SULF1: variants seen among roughly 807,000 people sequenced by gnomAD.
The protein encoded by SULF1 is extracellular sulfatase Sulf-1.
In SULF1, 46 loss-of-function variants were observed where a neutral mutation model predicts 110.5. That is an observed-to-expected ratio of 0.42 (90% CI 0.33 to 0.53). The LOEUF is 0.53. Among genes scored for constraint, SULF1 ranks in the 20% least tolerant of loss-of-function variants. SULF1 has a pLI of 0.12. For synonymous variants in SULF1, 371 were observed against 387.1 expected (o/e 0.96, Z 0.49); for missense variants, 941 against 1,094.2 (o/e 0.86, Z 1.98).
intron 15 of SULF1, among the ~76,000 whole-genome samples, chr8:69,625,115 G>A (rs1019019020): frequency 6.6e-6 from 1 of 152,168 alleles, no homozygotes; most frequent in African/African-American, 2.4e-5. Context: ...AAACTCAGTG[G>A]GGTACTTAAG....
intron 6 of SULF1, among the ~76,000 whole-genome samples, chr8:69,582,195 AAATTAAAACT>A (rs1214954343): frequency 6.6e-6 from 1 of 152,224 alleles, no homozygotes; most frequent in Non-Finnish European, 1.5e-5. Flanking sequence ...GCAGAAAAAA[AAATTAAAACT>A]AATTAAGCAG....
Position 69,478,397 on chromosome 8 carries a change from T to C in SULF1, c.-391+11447T>C, listed in dbSNP as rs188802121. Among the ~76,000 whole-genome samples the C allele has an allele frequency of 3.5e-4, 53 of 152,274 alleles. 1 individual carries two copies. The highest frequency in any genetic ancestry group is 6.2e-4 in the South Asian group (3 of 4,824). On this transcript the variant is annotated intron_variant, in intron 1 of 22. Transcript: ENST00000260128. ...TCCAGTCTAAATAAATGACCAGCAA[T>C]TAAGAACCTCCATGATCTTTTCCAC...
chr8:69,541,272 C>G (rs12542806), intron 3 of SULF1, among the ~76,000 whole-genome samples: 3 of 152,012 alleles, frequency 2.0e-5, no homozygotes, highest in Non-Finnish European at 4.4e-5. Flanking sequence ...CTTGTGAGAC[C>G]GGAGGACACC....
chr8:69,528,579 T>A (rs1812860721), intron 3 of SULF1, among the ~76,000 whole-genome samples: 2 of 152,358 alleles, frequency 1.3e-5, no homozygotes, highest in South Asian at 4.1e-4. Flanking sequence ...TATTTTGTTA[T>A]CTAAAATTTC....
At chr8:69,578,577 T>G (rs376306523) in intron 6 of SULF1, among the ~76,000 whole-genome samples, 33 of 140,992 alleles carry the variant, frequency 2.3e-4, no homozygotes, top group African/African-American at 8.5e-4. Context: ...CAGGGCTCTC[T>G]CCAGTGTGCT....
intron 3 of SULF1, among the ~76,000 whole-genome samples, chr8:69,530,166 C>G (rs1379691095): frequency 6.6e-6 from 1 of 152,162 alleles, no homozygotes; most frequent in African/African-American, 2.4e-5. Context: ...TTTCTGGACT[C>G]TCAACTCCGG....
chr8:69,598,167 G>A (rs2130367524), intron 8 of SULF1, among the ~76,000 whole-genome samples: 1 of 151,758 alleles, frequency 6.6e-6, no homozygotes, highest in South Asian at 2.1e-4. Context: ...TTGGTAGGCA[G>A]GAGAAAGTTT....
intron 3 of SULF1, among the ~76,000 whole-genome samples, chr8:69,511,714 C>T (rs1183258560): frequency 3.3e-5 from 5 of 152,226 alleles, no homozygotes; most frequent in African/African-American, 1.2e-4. Flanking sequence ...ACTGACACAT[C>T]ATTGTCACCC....
chr8:69,519,017 C>G (rs1019749517), intron 3 of SULF1, among the ~76,000 whole-genome samples: 2 of 152,190 alleles, frequency 1.3e-5, no homozygotes, highest in Non-Finnish European at 2.9e-5. Context: ...GAAAGTGTCT[C>G]TAGTGGAGCA....
At position 69,554,978 on chromosome 8, in the gene SULF1, C is replaced by CAAAAAAAAAAAA. The variant is rs141225696; in HGVS notation, c.-133-8552_-133-8541dup. Among the ~76,000 whole-genome samples, 40 of 63,468 alleles carry CAAAAAAAAAAAA rather than the reference C, an allele frequency of 6.3e-4. 3 individuals carry two copies. The highest frequency in any genetic ancestry group is 1.7e-3 in the African/African-American group (17 of 10,062). 41.6% of individuals were successfully genotyped at this position (63,468 alleles called of 152,430 possible). On this transcript the variant is annotated intron_variant, in intron 3 of 22. Transcript: ENST00000402687. ...TGGGCGACAGGGCGAGATTCCATCT[C>CAAAAAAAAAAAA]AAAAAAAAAAAAAAAAAAAACAAAA...
chr8:69,562,279 C>T (rs1434831869), intron 3 of SULF1, among the ~76,000 whole-genome samples: 2 of 152,142 alleles, frequency 1.3e-5, no homozygotes, highest in East Asian at 1.9e-4. Flanking sequence ...TAGGGGTAAA[C>T]AATATCCAGT....
chr8:69,551,360 A>T (rs961401636), intron 3 of SULF1, among the ~76,000 whole-genome samples: 2 of 152,054 alleles, frequency 1.3e-5, no homozygotes, highest in African/African-American at 4.8e-5. Context: ...GAGCAACCTT[A>T]CTCCTTCAGA....
Position 69,601,676 on chromosome 8 carries a change from C to A in SULF1, c.908C>A (p.Thr303Lys), listed in dbSNP as rs1428597089. 6.2e-7 allele frequency: 1 copy of A among 1,610,710 alleles called. No individual in the cohort carries two copies. The highest frequency in any genetic ancestry group is 1.1e-5 in the South Asian group (1 of 90,174). ...VERLYNMLVE[T>K]GELENTYIIY... is the part of the protein sequence containing the mutation. ...CAGCTGTATAACATGCTCGTGGAGA[C>A]GGGGGAGCTGGAGAATACTTACATC... Residue 303 changes from threonine to lysine, a missense_variant, in exon 10 of 23, where the codon ACG (threonine) becomes AAG (lysine). This residue lies in a region of SULF1 where 822 missense variants were observed against 934.3 expected (regional missense o/e 0.88). Transcript: ENST00000402687.
intron 3 of SULF1, among the ~76,000 whole-genome samples, chr8:69,520,154 C>T (rs1293194738): frequency 6.8e-6 from 1 of 147,716 alleles, no homozygotes; most frequent in Non-Finnish European, 1.5e-5. Context: ...CACACACACA[C>T]ACATCACTGT....
At chr8:69,568,194 C>T (rs1258388132) in intron 5 of SULF1, among the ~76,000 whole-genome samples, 2 of 152,052 alleles carry the variant, frequency 1.3e-5, no homozygotes, top group Admixed American at 1.3e-4. Flanking sequence ...GGCTACTGTG[C>T]CTCCAAAAAG....
At chr8:69,638,044 A>C (rs1011546981) in intron 19 of SULF1, 7 of 170,224 alleles carry the variant, frequency 4.1e-5, no homozygotes, top group African/African-American at 1.7e-4. Flanking sequence ...TTTGTTGCAA[A>C]ATCCCATCTT....
intron 1 of SULF1, among the ~76,000 whole-genome samples, chr8:69,480,917 T>TA (rs1809493518): frequency 6.7e-6 from 1 of 149,940 alleles, no homozygotes; most frequent in South Asian, 2.1e-4. Flanking sequence ...GGGATAGCAT[T>TA]AGGAGATATA....
intron 3 of SULF1, among the ~76,000 whole-genome samples, chr8:69,508,815 A>G (rs974812560): frequency 7.9e-5 from 12 of 152,194 alleles, no homozygotes; most frequent in African/African-American, 2.9e-4. Context: ...AGCCCGAGGT[A>G]TGATGCCCAG....
chr8:69,517,625 G>C (rs1340830322), intron 3 of SULF1, among the ~76,000 whole-genome samples: 5 of 152,138 alleles, frequency 3.3e-5, no homozygotes, highest in African/African-American at 1.2e-4. Context: ...GGCCCAGTAA[G>C]AGTTGAGGTT....
Sources: allele counts gnomAD v4.1 joint callset (sites outside exome capture counted in the v4.1 genomes callset), GRCh38; gene constraint gnomAD v4.1.1; regional missense constraint gnomAD v4.1.1; transcripts MANE v1.5; gene names NCBI Gene and HGNC (gene_info 2026-07-23, HGNC 2026-07-21).